NNT: variants seen among roughly 807,000 people sequenced by gnomAD.
NNT encodes NAD(P) transhydrogenase, mitochondrial.
NNT carries 50 observed loss-of-function variants against 104.8 expected under a neutral mutation model. The observed-to-expected ratio is 0.48, with a 90% CI of 0.38 to 0.60. NNT has a LOEUF of 0.60. Among genes scored for constraint, NNT ranks in the 20% least tolerant of loss-of-function variants. NNT has a pLI of 0.00. For synonymous variants in NNT, 461 were observed against 490.4 expected, an observed-to-expected ratio of 0.94 and a Z score of 0.79; for missense variants, 1,131 against 1,330.7, an observed-to-expected ratio of 0.85 and a Z score of 2.33.
intron 19 of NNT, among the ~76,000 whole-genome samples, chr5:43,678,458 C>A (rs1472430661): frequency 6.6e-6 from 1 of 152,082 alleles, no homozygotes; most frequent in Admixed American, 6.5e-5. Flanking sequence ...ATTATCGACT[C>A]ATTTTAGAAA....
chr5:43,647,961 A>G (rs1170779164), intron 10 of NNT: 2 of 490,770 alleles, frequency 4.1e-6, no homozygotes, highest in African/African-American at 3.9e-5. Flanking sequence ...ACCTATGAAG[A>G]CACTGAAGCA....
intron 13 of NNT, among the ~76,000 whole-genome samples, chr5:43,652,330 A>G (rs186164954): frequency 6.6e-4 from 100 of 152,336 alleles, no homozygotes; most frequent in African/African-American, 2.3e-3. Flanking sequence ...TTCATAAAAA[A>G]ATCCATAAAG....
chr5:43,653,291 T>C, intron 14 of NNT, 78 bp downstream of exon 14: 1 of 1,330,566 alleles, frequency 7.5e-7, no homozygotes, highest in Non-Finnish European at 1.0e-6. Flanking sequence ...ATTGATGAAA[T>C]AATTAAATTT....
At chr5:43,681,259 CAAAAAAAAAA>C (rs559273026) in intron 19 of NNT, among the ~76,000 whole-genome samples, 1 of 58,706 alleles carries the variant, frequency 1.7e-5, no homozygotes, top group Non-Finnish European at 3.8e-5. Context: ...GGCTCCTTCT[CAAAAAAAAAA>C]AAAAAAAAAA....
intron 5 of NNT, among the ~76,000 whole-genome samples, chr5:43,620,012 A>G (rs761874905): frequency 6.6e-6 from 1 of 152,014 alleles, no homozygotes; most frequent in Non-Finnish European, 1.5e-5. Context: ...ACTCCCAGGG[A>G]GGGCATTAAT....
chr5:43,644,180 T>G lies in NNT; in HGVS notation c.965-12T>G. On this transcript the variant is annotated splice_polypyrimidine_tract_variant and intron_variant, in intron 7 of 21. Coordinates refer to ENST00000344920, the MANE Select transcript of NNT (RefSeq NM_182977.3). ...ATAATACAAATTGTGCTGCTTTCTT[T>G]GATTTTATTAGGTAAAAAAGCTCCA... 1 of 1,591,884 alleles carries G rather than the reference T, an allele frequency of 6.3e-7. No homozygotes were observed.
chr5:43,617,462 G>A (rs1168809339), intron 4 of NNT, among the ~76,000 whole-genome samples: 1 of 151,950 alleles, frequency 6.6e-6, no homozygotes, highest in African/African-American at 2.4e-5. Flanking sequence ...ACTCTTCTAT[G>A]TCCTGAGCTG....
rs1742917871 is a variant in NNT, at chr5:43,702,659, G to T, written c.3034G>T (p.Val1012Phe). 1.2e-6 allele frequency: 2 copies of T among 1,612,700 alleles called. No homozygotes were observed. Among genetic ancestry groups the T allele is most frequent in the Non-Finnish European group, 8.5e-7 (1 of 1,179,282 alleles). Residue 1012 changes from valine (V) to phenylalanine (F), a missense_variant, in exon 21 of 22, where the codon GTT (valine) becomes TTT (phenylalanine). Coordinates refer to ENST00000344920, the MANE Select transcript of NNT (RefSeq NM_182977.3). ...CCTTGTAATTGGAGCTAATGACACTGTTAATTCAGCAGCTCAAGAAGATCC... is the reference window on the plus strand; with the variant it reads ...CCTTGTAATTGGAGCTAATGACACTTTTAATTCAGCAGCTCAAGAAGATCC... ...LVLVIGANDT[V>F]NSAAQEDPNS...
chr5:43,694,954 A>G (rs1417027942), intron 19 of NNT, among the ~76,000 whole-genome samples: 1 of 152,084 alleles, frequency 6.6e-6, no homozygotes, highest in African/African-American at 2.4e-5. Flanking sequence ...TTTGGTTGGT[A>G]GACTATTTAT....
In NNT at chr5:43,653,382, T is replaced by A. The variant is rs554585984; in HGVS notation, c.2059+169T>A. Reference sequence around the variant, plus strand: ...GTGTAATTCTCATTCAAATACATTTTAGAACACTGAATAAATGCATCAACT... The same window carrying A: ...GTGTAATTCTCATTCAAATACATTTAAGAACACTGAATAAATGCATCAACT... On this transcript the variant is annotated intron_variant, in intron 14 of 21. Coordinates refer to ENST00000344920, the MANE Select transcript of NNT (RefSeq NM_182977.3). 7.8e-4 allele frequency: 488 copies of A among 623,294 alleles called. 1 individual carries two copies. The highest frequency in any genetic ancestry group is 8.1e-4 in the Non-Finnish European group (297 of 367,948). 38.6% of individuals were successfully genotyped at this position (623,294 alleles called of 1,614,324 possible). A position where few individuals can be genotyped will look rare whatever the true frequency, so the allele number is the denominator to read the frequency against.
chr5:43,668,437 A>G (rs1289953123), intron 17 of NNT, among the ~76,000 whole-genome samples: 2 of 152,170 alleles, frequency 1.3e-5, no homozygotes, highest in Non-Finnish European at 2.9e-5. Flanking sequence ...TCTTTAATCC[A>G]TCTTGAGTTA....
chr5:43,604,195 C>T (rs1749085032), intron 1 of NNT, among the ~76,000 whole-genome samples: 1 of 152,096 alleles, frequency 6.6e-6, no homozygotes, highest in African/African-American at 2.4e-5. Context: ...TTATGGTTGC[C>T]GGTGTCCTTT....
At chr5:43,603,698 A>G (rs899863218) in intron 1 of NNT, among the ~76,000 whole-genome samples, 3 of 151,792 alleles carry the variant, frequency 2.0e-5, no homozygotes, top group African/African-American at 7.3e-5. Flanking sequence ...GGTGGTGGAG[A>G]GGGAGGTCAT....
chr5:43,613,281 G>C (rs554103238), intron 3 of NNT, 144 bp downstream of exon 3: 18 of 630,158 alleles, frequency 2.9e-5, no homozygotes, highest in Non-Finnish European at 4.3e-5. Flanking sequence ...ACTGCATGTC[G>C]TCATATTCTT....
In NNT at chr5:43,629,156, C is replaced by G. The variant is rs140241781; in HGVS notation, c.964+769C>G. Reference sequence around the variant, plus strand: ...GTTTAGTCTTTTATCCCTCACCCCCCCTCCCACTCTTAACCCCTGAGTCCC... The same window carrying G: ...GTTTAGTCTTTTATCCCTCACCCCCGCTCCCACTCTTAACCCCTGAGTCCC... On this transcript the variant is annotated intron_variant, in intron 7 of 21. Coordinates refer to ENST00000344920, the MANE Select transcript of NNT (RefSeq NM_182977.3). 5.1e-4 allele frequency among the ~76,000 whole-genome samples: 77 copies of G among 152,160 alleles called. No homozygotes were observed. In the South Asian group the frequency reaches 0.015, roughly 29 times the overall value.
chr5:43,624,195 CT>C, intron 6 of NNT, 75 bp downstream of exon 6: 1 of 1,313,440 alleles, frequency 7.6e-7, no homozygotes, highest in Non-Finnish European at 1.1e-6. Context: ...TGCCTTAAAA[CT>C]TGTAAATTGA....
chr5:43,615,971 C>A lies in NNT; in HGVS notation c.505C>A (p.Gln169Lys). 1.2e-6 allele frequency: 2 copies of A among 1,614,046 alleles called. No individual in the cohort carries two copies. The highest frequency in any genetic ancestry group is 1.7e-6 in the Non-Finnish European group (2 of 1,179,986). ...TCCAGAGTTGCTAAATAAACTTTCC[C>A]AAAGAAAAACTACAGTTCTGGCAAT... is the stretch of plus-strand genomic sequence containing the variant. ...QNPELLNKLSQRKTTVLAMDQ... is the reference protein window; with the variant it reads ...QNPELLNKLSKRKTTVLAMDQ... Residue 169 changes from glutamine (Q) to lysine (K), a missense_variant, in exon 4 of 22, where the codon CAA becomes AAA. Transcript: ENST00000344920.
At position 43,615,910 on chromosome 5, in the gene NNT, A is replaced by G. The variant is rs1421098165; in HGVS notation, c.444A>G (p.Ser148=). The change falls in exon 4 of 22, where the codon TCA becomes TCG. Residue 148 remains serine (S), a synonymous_variant. Transcript: ENST00000344920. ...ATGAAGCTGACCTTTTAAAGACATC[A>G]GGAACGCTGATTAGTTTTATTTACC... ...GVHEADLLKT[S]GTLISFIYPA... 6.2e-7 allele frequency: 1 copy of G among 1,614,220 alleles called. No homozygotes were observed. The highest frequency in any genetic ancestry group is 8.5e-7 in the Non-Finnish European group (1 of 1,180,034).
intron 2 of NNT, among the ~76,000 whole-genome samples, chr5:43,612,556 T>C (rs1749554781): frequency 6.6e-6 from 1 of 152,190 alleles, no homozygotes; most frequent in Non-Finnish European, 1.5e-5. Flanking sequence ...AAGGAGACCA[T>C]AACCTTGCCC....
Sources: allele counts gnomAD v4.1 joint callset (sites outside exome capture counted in the v4.1 genomes callset), GRCh38; gene constraint gnomAD v4.1.1; transcripts MANE v1.5; gene names NCBI Gene and HGNC (gene_info 2026-07-23, HGNC 2026-07-21).